CHMP3: variants seen among roughly 807,000 people sequenced by gnomAD.
CHMP3 encodes 25.1 protein.
CHMP3 carries 8 observed loss-of-function variants against 27.4 expected under a neutral mutation model. The observed-to-expected ratio is 0.29, with a 90% CI of 0.17 to 0.53. The LOEUF (loss-of-function observed/expected upper bound fraction) is 0.53. Ranked by LOEUF, CHMP3 falls within the 20% of genes least tolerant of loss-of-function variation. The pLI, the probability that CHMP3 is intolerant of heterozygous loss-of-function variation, is 0.96. For missense variants in CHMP3, 208 were observed against 271.5 expected, an observed-to-expected ratio of 0.77 and a Z score of 1.64; for synonymous variants, 86 against 85.5, an observed-to-expected ratio of 1.01 and a Z score of -0.03.
intron 4 of CHMP3, among the ~76,000 whole-genome samples, chr2:86,507,905 G>A (rs974655539): frequency 6.6e-6 from 1 of 152,228 alleles, no homozygotes; most frequent in African/African-American, 2.4e-5. Flanking sequence ...ACTGACAGAT[G>A]AGTGTATTTC....
At chr2:86,553,642 T>C (rs1676999437) in intron 1 of CHMP3, among the ~76,000 whole-genome samples, 1 of 152,168 alleles carries the variant, frequency 6.6e-6, no homozygotes, top group Non-Finnish European at 1.5e-5. Context: ...AAACAGATTT[T>C]TAAATAAAAT....
At chr2:86,520,394 T>G (rs977492463) in intron 3 of CHMP3, among the ~76,000 whole-genome samples, 4 of 151,422 alleles carry the variant, frequency 2.6e-5, no homozygotes, top group South Asian at 2.1e-4. Flanking sequence ...GAGAGAGAGA[T>G]AGGGGAGGTG....
chr2:86,544,141 T>C (rs1320812267), intron 1 of CHMP3, among the ~76,000 whole-genome samples: 1 of 152,222 alleles, frequency 6.6e-6, no homozygotes, highest in East Asian at 1.9e-4. Context: ...TTCAGTCCTT[T>C]TTATGGCTGG....
In CHMP3 at chr2:86,560,809, A is replaced by G. The variant is rs540406782; in HGVS notation, c.45+2495T>C. 1.2e-3 allele frequency among the ~76,000 whole-genome samples: 176 copies of G among 152,252 alleles called. 1 individual carries two copies. The highest frequency in any genetic ancestry group is 3.9e-3 in the African/African-American group (161 of 41,538). Reference sequence around the variant, plus strand: ...TTGGGGAGGCCTCAGGAAGCTTCCAATCATGGGGGAAGGCAAAGAAATAGG... The same window carrying G: ...TTGGGGAGGCCTCAGGAAGCTTCCAGTCATGGGGGAAGGCAAAGAAATAGG... On this transcript the variant is annotated intron_variant, in intron 1 of 5. Coordinates refer to ENST00000263856, the MANE Select transcript of CHMP3 (RefSeq NM_016079.4).
rs140572275 is a variant in CHMP3 at position 86,543,274 on chromosome 2, A to C, written c.46-962T>G. ...CAATAAATTTCATTTTTAATGTTTA[A>C]TATTGAACAAAATCTGTAAAATATT... On this transcript the variant is annotated intron_variant, in intron 1 of 5. Transcript: ENST00000263856. 3.3e-4 allele frequency among the ~76,000 whole-genome samples: 50 copies of C among 152,372 alleles called. 1 individual carries two copies. The East Asian group carries it at 9.6e-3, about 29-fold the overall frequency.
At chr2:86,542,815 T>C (rs902126448) in intron 1 of CHMP3, 4 of 152,528 alleles carry the variant, frequency 2.6e-5, no homozygotes, top group African/African-American at 9.7e-5. Flanking sequence ...AGGCAAAAAT[T>C]TCTGAAGCAC....
intron 3 of CHMP3, among the ~76,000 whole-genome samples, chr2:86,514,142 C>G (rs1025415325): frequency 8.5e-5 from 13 of 152,196 alleles, no homozygotes; most frequent in African/African-American, 3.1e-4. Flanking sequence ...TGGTCAGCTC[C>G]TGACTCTGAG....
chr2:86,531,080 C>T (rs1675900413), intron 2 of CHMP3, among the ~76,000 whole-genome samples: 1 of 152,164 alleles, frequency 6.6e-6, no homozygotes, highest in African/African-American at 2.4e-5. Flanking sequence ...TACAACCTCT[C>T]ATCAGATAAA....
At chr2:86,531,092 G>A (rs1675900965) in intron 2 of CHMP3, among the ~76,000 whole-genome samples, 1 of 152,090 alleles carries the variant, frequency 6.6e-6, no homozygotes, top group Non-Finnish European at 1.5e-5. Flanking sequence ...TCAGATAAAT[G>A]ATTTGCAAAT....
At chr2:86,516,096 C>T (rs1052446470) in intron 3 of CHMP3, among the ~76,000 whole-genome samples, 2 of 142,298 alleles carry the variant, frequency 1.4e-5, no homozygotes, top group East Asian at 2.2e-4. Context: ...TGCAGTGAGC[C>T]GAGATCGCAC....
chr2:86,510,413 A>T lies in CHMP3; in HGVS notation c.353T>A (p.Val118Glu). 6.2e-7 allele frequency: 1 copy of T among 1,614,078 alleles called. No homozygotes were observed. Among genetic ancestry groups the T allele is most frequent in the Non-Finnish European group, 8.5e-7 (1 of 1,180,030 alleles). Residue 118 changes from valine (V) to glutamate (E), a missense_variant, in exon 4 of 6, where the codon GTG becomes GAG. Around this residue, in one of 3 missense-constraint regions of CHMP3, gnomAD observed 94 missense variants for 159.6 expected, o/e 0.59. Coordinates refer to ENST00000263856, the MANE Select transcript of CHMP3 (RefSeq NM_016079.4). ...GGTGGCCTGAATCTCTGGAATCTTC[A>T]CAAGACTTTGCATGGCCTTCATCAC... ...TEVMKAMQSL[V>E]KIPEIQATMR...
chr2:86,547,516 G>C (rs895231852), intron 1 of CHMP3, among the ~76,000 whole-genome samples: 1 of 152,162 alleles, frequency 6.6e-6, no homozygotes, highest in Admixed American at 6.6e-5. Context: ...TTCTCAACCT[G>C]AACTACACAA....
chr2:86,544,972 C>T (rs1386584668), intron 1 of CHMP3, among the ~76,000 whole-genome samples: 2 of 108,450 alleles, frequency 1.8e-5, no homozygotes, highest in Non-Finnish European at 4.3e-5. Flanking sequence ...CGGGCAGAGG[C>T]GCTCCTCACC....
At chr2:86,524,840 T>A (rs1306276376) in intron 3 of CHMP3, among the ~76,000 whole-genome samples, 3 of 152,200 alleles carry the variant, frequency 2.0e-5, no homozygotes, top group African/African-American at 7.2e-5. Context: ...CTTTTGTATA[T>A]GCTTAATATT....
intron 2 of CHMP3, among the ~76,000 whole-genome samples, chr2:86,539,093 G>C (rs918769206): frequency 6.6e-6 from 1 of 151,994 alleles, no homozygotes; most frequent in Non-Finnish European, 1.5e-5. Flanking sequence ...TTTTACCCTA[G>C]TATTTCTTTT....
At position 86,503,836 on chromosome 2, in the gene CHMP3, A is replaced by T. The variant is rs148305410; in HGVS notation, c.*1968T>A. 1.3e-3 allele frequency: 194 copies of T among 152,348 alleles called. No homozygotes were observed. Among genetic ancestry groups the T allele is most frequent in the African/African-American group, 4.5e-3 (188 of 41,572 alleles). 9.4% of individuals were successfully genotyped at this position (152,348 alleles called of 1,614,324 possible). A position where few individuals can be genotyped will look rare whatever the true frequency, so the allele number is the denominator to read the frequency against. On this transcript the variant is annotated 3_prime_UTR_variant, in exon 6 of 6. Transcript: ENST00000263856. ...GGCTGGAGGCCATTATCCTTAACAA[A>T]CTAACATAGGAACAGGAAACCAAAT...
At chr2:86,556,585 A>C (rs114811263) in intron 1 of CHMP3, among the ~76,000 whole-genome samples, 3 of 152,112 alleles carry the variant, frequency 2.0e-5, no homozygotes, top group Non-Finnish European at 2.9e-5. Flanking sequence ...GATGTAAAGA[A>C]ACTGATCTAG....
intron 1 of CHMP3, among the ~76,000 whole-genome samples, chr2:86,559,214 T>C (rs1427721554): frequency 6.6e-6 from 1 of 152,200 alleles, no homozygotes; most frequent in Non-Finnish European, 1.5e-5. Flanking sequence ...CTCTTCTGCA[T>C]CTGGGATACC....
At chr2:86,542,157 T>C in intron 2 of CHMP3, 95 bp downstream of exon 2, 3 of 1,299,066 alleles carry the variant, frequency 2.3e-6, no homozygotes, top group Non-Finnish European at 3.3e-6. Flanking sequence ...AGGAATAAAC[T>C]ATGTCTTATG....
Sources: allele counts gnomAD v4.1 joint callset (sites outside exome capture counted in the v4.1 genomes callset), GRCh38; gene constraint gnomAD v4.1.1; regional missense constraint gnomAD v4.1.1; transcripts MANE v1.5; gene names NCBI Gene and HGNC (gene_info 2026-07-23, HGNC 2026-07-21).